Variants in PCDHA7 observed in about 807,000 individuals in gnomAD.
PCDHA7 encodes protocadherin alpha-7.
A neutral mutation model predicts 57.2 loss-of-function variants in PCDHA7; 37 were observed. The observed-to-expected ratio is 0.65, with a 90% CI of 0.50 to 0.85. The LOEUF (loss-of-function observed/expected upper bound fraction) is 0.85, where lower values mean the gene tolerates loss of function less well. Ranked by LOEUF, PCDHA7 falls within the 40% of genes least tolerant of loss-of-function variation. The pLI, the probability that PCDHA7 is intolerant of heterozygous loss-of-function variation, is 0.00. For synonymous variants in PCDHA7, 553 were observed against 558.8 expected (o/e 0.99, Z 0.15); for missense variants, 1,188 against 1,241.8 (o/e 0.96, Z 0.65).
intron 1 of PCDHA7, among the ~76,000 whole-genome samples, chr5:140,840,813 G>A (rs1465831729): frequency 6.6e-6 from 1 of 152,040 alleles, no homozygotes; most frequent in South Asian, 2.1e-4. Context: ...ATATACCAGT[G>A]TTTCTGGTGA....
rs1319882145 is a variant in PCDHA7, at chr5:140,858,933, A to G, written c.2355+22195A>G. ...GCTTATACTGCCATAGTAGATTTCA[A>G]TGTTCAGTGATTACAGCTTTTTCTC... is the stretch of plus-strand genomic sequence containing the variant. On this transcript the variant is annotated intron_variant, in intron 1 of 3. Transcript: ENST00000525929. The G allele has an allele frequency of 6.2e-5, 10 of 160,710 alleles. 1 individual carries two copies. The highest frequency in any genetic ancestry group is 2.4e-4 in the African/African-American group (10 of 41,146). The allele number at this position is 160,710 out of a possible 1,614,324, so 10.0% of individuals were successfully genotyped here. A position where few individuals can be genotyped will look rare whatever the true frequency, so the allele number is the denominator to read the frequency against.
chr5:140,876,012 T>C (rs2056048598), intron 1 of PCDHA7: 1 of 1,613,604 alleles, frequency 6.2e-7, no homozygotes, highest in Non-Finnish European at 8.5e-7. Flanking sequence ...ATTTTGAGCT[T>C]AAAATAAAAA....
intron 3 of PCDHA7, among the ~76,000 whole-genome samples, chr5:141,006,608 G>A (rs2098279719): frequency 6.6e-6 from 1 of 152,200 alleles, no homozygotes; most frequent in African/African-American, 2.4e-5. Flanking sequence ...GAAGCAGACT[G>A]AATAAGGAGA....
At chr5:140,850,157 C>T (rs2150470014) in intron 1 of PCDHA7, 2 of 1,594,994 alleles carry the variant, frequency 1.3e-6, no homozygotes, top group African/African-American at 1.3e-5. Flanking sequence ...TGCAGGTGTT[C>T]GTGCTGGACG....
intron 3 of PCDHA7, among the ~76,000 whole-genome samples, chr5:140,996,581 A>C (rs1554255228): frequency 6.6e-6 from 1 of 152,118 alleles, no homozygotes; most frequent in Non-Finnish European, 1.5e-5. Flanking sequence ...ATTTGTTAAC[A>C]AGGGCCGCCT....
intron 1 of PCDHA7, among the ~76,000 whole-genome samples, chr5:140,958,419 A>G (rs1275772647): frequency 6.6e-6 from 1 of 152,196 alleles, no homozygotes; most frequent in Non-Finnish European, 1.5e-5. Flanking sequence ...GCTTGGAAAG[A>G]AGCACTTTTT....
chr5:140,927,697 C>T, intron 1 of PCDHA7: 2 of 1,614,170 alleles, frequency 1.2e-6, no homozygotes, highest in Non-Finnish European at 1.7e-6. Flanking sequence ...TGGGGAAGTC[C>T]AGTACTCCCT....
At position 140,976,185 on chromosome 5, in the gene PCDHA7, A is replaced by G. The variant is rs545410193; in HGVS notation, c.2356-2764A>G. Among the ~76,000 whole-genome samples the G allele has an allele frequency of 4.6e-5, 7 of 152,340 alleles. No homozygotes were observed. The South Asian group carries it at 1.2e-3, about 27-fold the overall frequency. ...TTTAGTTTTGTATTGTTTTAAATCAATATCCTGGAAACTCAGAAGTAAAAA... is the reference window on the plus strand; with the variant it reads ...TTTAGTTTTGTATTGTTTTAAATCAGTATCCTGGAAACTCAGAAGTAAAAA... On this transcript the variant is annotated intron_variant, in intron 1 of 3. Coordinates refer to ENST00000525929, the MANE Select transcript of PCDHA7 (RefSeq NM_018910.3).
At chr5:140,871,086 G>T (rs556097993) in intron 1 of PCDHA7, 15 of 1,613,256 alleles carry the variant, frequency 9.3e-6, no homozygotes, top group Non-Finnish European at 1.1e-5. Context: ...TGACGGCCAC[G>T]GCCACCGTGC....
chr5:140,848,619 G>C lies in PCDHA7; in HGVS notation c.2355+11881G>C, dbSNP rs2150415128. The C allele has an allele frequency of 3.5e-5, 55 of 1,593,396 alleles. 5 individuals are homozygous for C. Among genetic ancestry groups the C allele is most frequent in the Admixed American group, 1.5e-4 (9 of 59,226 alleles). ...CTCCGTCCCGGAGGAAGCCGAACACGGCACCTTCGTGGGCCGCATCGCGCA... is the reference window on the plus strand; with the variant it reads ...CTCCGTCCCGGAGGAAGCCGAACACCGCACCTTCGTGGGCCGCATCGCGCA... On this transcript the variant is annotated intron_variant, in intron 1 of 3. Coordinates refer to ENST00000525929, the MANE Select transcript of PCDHA7 (RefSeq NM_018910.3).
rs781930086 is a variant in PCDHA7, at chr5:140,857,347, G to C, written c.2355+20609G>C. On this transcript the variant is annotated intron_variant, in intron 1 of 3. Coordinates refer to ENST00000525929, the MANE Select transcript of PCDHA7 (RefSeq NM_018910.3). The stretch of plus-strand genomic sequence containing the variant: ...CCGCGCGGGACGGGGGCTCGCCTCC[G>C]CTGTGGGCCACGGCCAGCGTGTCTG... 2.9e-5 allele frequency: 46 copies of C among 1,598,352 alleles called. 5 individuals are homozygous for C. In the Admixed American group the frequency reaches 3.4e-4, roughly 12 times the overall value.
intron 2 of PCDHA7, among the ~76,000 whole-genome samples, chr5:140,981,637 C>A (rs1229068909): frequency 6.6e-6 from 1 of 152,150 alleles, no homozygotes; most frequent in Non-Finnish European, 1.5e-5. Context: ...TGGACATTTT[C>A]TCTTAGGATC....
chr5:140,895,315 A>C (rs541841623), intron 1 of PCDHA7, among the ~76,000 whole-genome samples: 2 of 152,036 alleles, frequency 1.3e-5, no homozygotes, highest in East Asian at 1.9e-4. Flanking sequence ...TCCACCCATG[A>C]CTATTGTTCT....
intron 1 of PCDHA7, among the ~76,000 whole-genome samples, chr5:140,976,410 G>C (rs1353790339): frequency 6.6e-6 from 1 of 152,074 alleles, no homozygotes; most frequent in Non-Finnish European, 1.5e-5. Context: ...AATTAGCCAG[G>C]TACGGTGGCA....
intron 1 of PCDHA7, chr5:140,857,163 G>A: frequency 1.3e-6 from 2 of 1,598,406 alleles, no homozygotes; most frequent in Non-Finnish European, 1.7e-6. Flanking sequence ...GCCCTAATCA[G>A]CGTTTCTGAC....
At chr5:140,922,150 T>C (rs999486530) in intron 1 of PCDHA7, among the ~76,000 whole-genome samples, 5 of 151,298 alleles carry the variant, frequency 3.3e-5, no homozygotes, top group African/African-American at 1.2e-4. Flanking sequence ...ATGAAACTCA[T>C]CAAAAACAAC....
rs1031755500 is a variant in PCDHA7 at position 140,856,096 on chromosome 5, G to T, written c.2355+19358G>T. ...TGGGGGTCCAGTGTCTGCTGCTCTC[G>T]CTTCTTCTCCTCGCAGCCTGGGAGG... On this transcript the variant is annotated intron_variant, in intron 1 of 3. Transcript: ENST00000525929. 7 of 1,597,458 alleles carry T rather than the reference G, an allele frequency of 4.4e-6. 1 individual carries two copies. The highest frequency in any genetic ancestry group is 6.0e-6 in the Non-Finnish European group (7 of 1,167,222).
intron 1 of PCDHA7, among the ~76,000 whole-genome samples, chr5:140,924,926 TAAAATAAAATAAAAA>T (rs1425116753): frequency 8.4e-6 from 1 of 119,430 alleles, no homozygotes; most frequent in Non-Finnish European, 1.8e-5. Flanking sequence ...TAAAATAAAA[TAAAATAAAATAAAAA>T]GTTAAAAAAA....
At chr5:140,948,819 A>G (rs1332127797) in intron 1 of PCDHA7, among the ~76,000 whole-genome samples, 5 of 151,420 alleles carry the variant, frequency 3.3e-5, no homozygotes, top group Middle Eastern at 3.4e-3. Context: ...TTTCTATTTC[A>G]TTAATTTCTG....
Sources: gnomAD v4.1 joint callset for allele counts (sites outside exome capture counted in the v4.1 genomes callset) on GRCh38, gnomAD v4.1.1 for gene constraint, MANE v1.5 for transcripts, NCBI Gene and HGNC (gene_info 2026-07-23, HGNC 2026-07-21) for gene names.